CDK19: variants seen among roughly 807,000 people sequenced by gnomAD.
CDK19 encodes the protein cyclin-dependent kinase 19.
In CDK19, 20 loss-of-function variants were observed where a neutral mutation model predicts 68.3. The ratio of observed to expected loss-of-function variants is 0.29; its 90% confidence interval spans 0.21 to 0.43. The LOEUF (loss-of-function observed/expected upper bound fraction) is 0.43. Ranked by LOEUF, CDK19 falls within the 20% of genes least tolerant of loss-of-function variation. The probability of loss-of-function intolerance (pLI) is 1.00; values close to 1 mark genes in which losing one functional copy is unlikely to be tolerated. For synonymous variants in CDK19, 221 were observed against 222.8 expected (o/e 0.99, Z 0.07); for missense variants, 339 against 623.5 (o/e 0.54, Z 4.86).
chr6:110,776,677 G>A (rs1410430447), intron 1 of CDK19, among the ~76,000 whole-genome samples: 2 of 152,160 alleles, frequency 1.3e-5, no homozygotes, highest in Non-Finnish European at 1.5e-5. Flanking sequence ...CAGCCTTCTA[G>A]ACTGCACCCT....
At chr6:110,721,209 C>T (rs1202120446) in intron 2 of CDK19, among the ~76,000 whole-genome samples, 5 of 152,088 alleles carry the variant, frequency 3.3e-5, no homozygotes, top group Admixed American at 3.3e-4. Flanking sequence ...CACTGCACTC[C>T]AGTCTGGGTG....
chr6:110,758,870 C>T (rs1002766172), intron 1 of CDK19, among the ~76,000 whole-genome samples: 21 of 151,950 alleles, frequency 1.4e-4, no homozygotes, highest in Non-Finnish European at 1.5e-5. Flanking sequence ...TCAGACAGTA[C>T]TGAATCAAAA....
intron 4 of CDK19, chr6:110,643,245 T>C (rs1306062024): frequency 8.2e-7 from 1 of 1,219,132 alleles, no homozygotes; most frequent in Non-Finnish European, 1.1e-6. Context: ...GACACAGGTA[T>C]TTCCATAGTG....
chr6:110,666,825 C>T (rs1173371304), intron 4 of CDK19, among the ~76,000 whole-genome samples: 1 of 151,942 alleles, frequency 6.6e-6, no homozygotes. Context: ...CTTGCATCAA[C>T]ATAAACTAAA....
intron 2 of CDK19, among the ~76,000 whole-genome samples, chr6:110,739,119 C>A (rs577489193): frequency 6.6e-6 from 1 of 152,204 alleles, no homozygotes; most frequent in Non-Finnish European, 1.5e-5. Context: ...CTCTTCCCTC[C>A]TCAATAAACT....
At chr6:110,681,207 G>A (rs1316232250) in intron 2 of CDK19, among the ~76,000 whole-genome samples, 16 of 151,738 alleles carry the variant, frequency 1.1e-4, no homozygotes, top group Non-Finnish European at 7.4e-5. Context: ...TCAGCCGAGC[G>A]TGGTACCGCA....
At chr6:110,642,308 CA>C (rs56320713) in intron 4 of CDK19, among the ~76,000 whole-genome samples, 45,005 of 96,722 alleles carry the variant, frequency 0.47, 7,123 homozygotes, top group South Asian at 0.52. Flanking sequence ...GACTCTGTTT[CA>C]AAAAAAAAAA....
chr6:110,613,932 C>G lies in CDK19; in HGVS notation c.*603G>C, dbSNP rs1778153717. ...TAGGCAGTTTTTGGTTGTAGGTTCC[C>G]TCTGTCCCACCGCTTGTCTTTTTAT... On this transcript the variant is annotated 3_prime_UTR_variant, in exon 13 of 13. Coordinates refer to ENST00000368911, the MANE Select transcript of CDK19 (RefSeq NM_015076.5). 1 of 152,600 alleles carries G rather than the reference C, an allele frequency of 6.6e-6. No individual in the cohort carries two copies. Among genetic ancestry groups the G allele is most frequent in the Non-Finnish European group, 1.5e-5 (1 of 68,042 alleles). The allele number at this position is 152,600 out of a possible 1,614,324, so 9.5% of individuals were successfully genotyped here.
intron 6 of CDK19, 64 bp from the exon 7 acceptor site, chr6:110,627,209 C>A (rs1779142701): frequency 1.7e-6 from 2 of 1,198,210 alleles, no homozygotes; most frequent in Admixed American, 2.2e-5. Flanking sequence ...AGATATAATC[C>A]CAGCCTACTT....
At chr6:110,671,244 G>A (rs1248582737) in intron 2 of CDK19, among the ~76,000 whole-genome samples, 1 of 152,148 alleles carries the variant, frequency 6.6e-6, no homozygotes, top group Non-Finnish European at 1.5e-5. Flanking sequence ...AGAGCAGCAA[G>A]CAGAAACAGC....
chr6:110,710,641 C>A (rs1774871331), intron 2 of CDK19, among the ~76,000 whole-genome samples: 1 of 152,234 alleles, frequency 6.6e-6, no homozygotes, highest in Non-Finnish European at 1.5e-5. Flanking sequence ...AGACTGCCAT[C>A]TTCTCACTGT....
intron 2 of CDK19, among the ~76,000 whole-genome samples, chr6:110,672,238 C>T (rs563802304): frequency 6.6e-6 from 1 of 152,254 alleles, no homozygotes; most frequent in Admixed American, 6.5e-5. Flanking sequence ...ATTACCTATG[C>T]AAAATATGTT....
At chr6:110,641,591 T>TA (rs1780171555) in intron 4 of CDK19, among the ~76,000 whole-genome samples, 1 of 40,542 alleles carries the variant, frequency 2.5e-5, no homozygotes, top group African/African-American at 1.2e-4. Context: ...TGAGACTCCA[T>TA]CAAAAAAAAA....
intron 3 of CDK19, among the ~76,000 whole-genome samples, chr6:110,669,822 C>CACT (rs1230018560): frequency 6.6e-6 from 1 of 152,178 alleles, no homozygotes; most frequent in African/African-American, 2.4e-5. Flanking sequence ...AAGCAATCTT[C>CACT]ACTATACATA....
chr6:110,624,850 C>T (rs757687024), intron 8 of CDK19, among the ~76,000 whole-genome samples: 15 of 152,174 alleles, frequency 9.9e-5, no homozygotes, highest in Non-Finnish European at 1.5e-4. Context: ...CTACTAGACC[C>T]TGATTGTCAT....
At position 110,728,583 on chromosome 6, in the gene CDK19, A is replaced by C. The variant is rs1169248481; in HGVS notation, c.204+17543T>G. Among the ~76,000 whole-genome samples, 9 of 152,026 alleles carry C rather than the reference A, an allele frequency of 5.9e-5. No homozygotes were observed. The South Asian group carries it at 1.7e-3, about 28-fold the overall frequency. On this transcript the variant is annotated intron_variant, in intron 2 of 12. Coordinates refer to ENST00000368911, the MANE Select transcript of CDK19 (RefSeq NM_015076.5). ...CATAGTCAGAGTGGTAAAAAAAAAA[A>C]AACTAATTTGACTGTGTCATTTCCC...
chr6:110,676,883 C>T (rs1459795033), intron 2 of CDK19, among the ~76,000 whole-genome samples: 1 of 152,186 alleles, frequency 6.6e-6, no homozygotes, highest in Non-Finnish European at 1.5e-5. Flanking sequence ...CTTGCAATAT[C>T]TCTAAAGTCT....
chr6:110,785,749 G>A (rs903771293), intron 1 of CDK19, among the ~76,000 whole-genome samples: 10 of 152,154 alleles, frequency 6.6e-5, no homozygotes, highest in African/African-American at 2.2e-4. Flanking sequence ...GGGAGGCCAA[G>A]GCAGGCAGAT....
chr6:110,802,694 A>C (rs1361797825), intron 1 of CDK19, among the ~76,000 whole-genome samples: 1 of 152,250 alleles, frequency 6.6e-6, no homozygotes, highest in African/African-American at 2.4e-5. Context: ...CTAAAATTTA[A>C]AAGAAGAAAA....
Sources: allele counts gnomAD v4.1 joint callset (sites outside exome capture counted in the v4.1 genomes callset), GRCh38; gene constraint gnomAD v4.1.1; transcripts MANE v1.5; gene names NCBI Gene and HGNC (gene_info 2026-07-23, HGNC 2026-07-21).